The following ZFYVE9 variants were observed in gnomAD, a reference collection of about 807,000 sequenced individuals.
ZFYVE9 encodes zinc finger FYVE domain-containing protein 9.
A neutral mutation model predicts 126.7 loss-of-function variants in ZFYVE9; 43 were observed. That is an observed-to-expected ratio of 0.34 (90% confidence interval 0.27 to 0.44). ZFYVE9 has a LOEUF of 0.44. ZFYVE9 is among the 20% of genes least tolerant of loss of function. The pLI, the probability that ZFYVE9 is intolerant of heterozygous loss-of-function variation, is 1.00. For missense variants in ZFYVE9, 1,476 were observed against 1,697.0 expected, an observed-to-expected ratio of 0.87 and a Z score of 2.29; for synonymous variants, 521 against 597.4, an observed-to-expected ratio of 0.87 and a Z score of 1.87.
intron 15 of ZFYVE9, among the ~76,000 whole-genome samples, chr1:52,335,560 G>A (rs753538224): frequency 2.7e-4 from 41 of 152,180 alleles, no homozygotes; most frequent in Non-Finnish European, 5.4e-4. Flanking sequence ...TTTTTACATG[G>A]TGGTTCAGGA....
chr1:52,190,497 A>G (rs1476624067), intron 1 of ZFYVE9, among the ~76,000 whole-genome samples: 1 of 152,188 alleles, frequency 6.6e-6, no homozygotes, highest in Non-Finnish European at 1.5e-5. Context: ...TTGATGACTA[A>G]ATAAAACAAT....
intron 13 of ZFYVE9, among the ~76,000 whole-genome samples, chr1:52,309,606 C>G (rs1332091170): frequency 6.6e-6 from 1 of 152,078 alleles, no homozygotes. Context: ...AAGTGCCTAG[C>G]AAAGAGGGGG....
chr1:52,216,832 A>G (rs1281285365), intron 2 of ZFYVE9, among the ~76,000 whole-genome samples: 1 of 152,254 alleles, frequency 6.6e-6, no homozygotes, highest in Non-Finnish European at 1.5e-5. Context: ...ATGGGGAATC[A>G]GAAATGTAAA....
At chr1:52,254,014 A>G (rs950546238) in intron 4 of ZFYVE9, 9 of 769,240 alleles carry the variant, frequency 1.2e-5, no homozygotes, top group East Asian at 7.3e-5. Context: ...TAGGAAGCCA[A>G]CTTGGACGTT....
chr1:52,298,770 C>T (rs1646002231), intron 12 of ZFYVE9, among the ~76,000 whole-genome samples: 1 of 149,660 alleles, frequency 6.7e-6, no homozygotes, highest in Non-Finnish European at 1.5e-5. Context: ...TTAATTCTTC[C>T]AATCCATGAA....
chr1:52,265,457 A>G (rs1645624795), intron 5 of ZFYVE9, among the ~76,000 whole-genome samples: 1 of 152,168 alleles, frequency 6.6e-6, no homozygotes, highest in Non-Finnish European at 1.5e-5. Context: ...ATTTCTGGGC[A>G]TGTGGTATTA....
intron 11 of ZFYVE9, among the ~76,000 whole-genome samples, chr1:52,294,887 A>G (rs982186693): frequency 1.3e-5 from 2 of 152,260 alleles, no homozygotes; most frequent in Non-Finnish European, 2.9e-5. Context: ...CCTAAGGAGG[A>G]TCCTGGTTAG....
In ZFYVE9 at chr1:52,142,615, C is replaced by G. The variant is rs1644269291; in HGVS notation, c.-143+212C>G. ...TTAGGCCCCGCGCCGTTGGGAAGCC[C>G]TCGCTCCGGCCTCGGTTCCGGCGCG... On this transcript the variant is annotated intron_variant, in intron 1 of 18. Coordinates refer to ENST00000287727, the MANE Select transcript of ZFYVE9 (RefSeq NM_004799.4). This position sits in a 1 kb window ranked among gnomAD's most constrained non-coding sequence, Gnocchi z 4.5. 6.6e-6 allele frequency among the ~76,000 whole-genome samples: 1 copy of G among 152,154 alleles called. No individual in the cohort carries two copies. The highest frequency in any genetic ancestry group is 6.5e-5 in the Admixed American group (1 of 15,294).
At chr1:52,320,611 A>C (rs1198708367) in intron 13 of ZFYVE9, among the ~76,000 whole-genome samples, 1 of 152,248 alleles carries the variant, frequency 6.6e-6, no homozygotes, top group African/African-American at 2.4e-5. Context: ...CCTTTACCTC[A>C]TACCATGTAC....
intron 2 of ZFYVE9, among the ~76,000 whole-genome samples, chr1:52,223,603 A>G (rs150549221): frequency 9.9e-5 from 15 of 152,246 alleles, no homozygotes; most frequent in African/African-American, 3.1e-4. Flanking sequence ...TGGGTCCTCT[A>G]TGTCTAAACC....
intron 18 of ZFYVE9, among the ~76,000 whole-genome samples, chr1:52,345,319 G>A (rs1178617311): frequency 1.3e-5 from 2 of 152,136 alleles, no homozygotes; most frequent in African/African-American, 4.8e-5. Context: ...TGTAGGCTCA[G>A]CTTGATCCCC....
chr1:52,302,611 C>T (rs183068007), intron 12 of ZFYVE9, among the ~76,000 whole-genome samples: 3 of 152,106 alleles, frequency 2.0e-5, no homozygotes, highest in African/African-American at 7.2e-5. Flanking sequence ...ATTATCTGGG[C>T]CTGGTGGTGC....
At chr1:52,162,899 C>A (rs558716779) in intron 1 of ZFYVE9, 147 of 509,928 alleles carry the variant, frequency 2.9e-4, no homozygotes, top group African/African-American at 2.5e-3. Flanking sequence ...TGTTTGAAAA[C>A]CCTTGAAGGA....
chr1:52,293,701 C>G (rs752632641), intron 11 of ZFYVE9, 24 bp downstream of exon 11: 2 of 1,597,678 alleles, frequency 1.3e-6, no homozygotes, highest in African/African-American at 2.7e-5. Flanking sequence ...ACACGTTTTT[C>G]AAGGCATGAT....
intron 1 of ZFYVE9, among the ~76,000 whole-genome samples, chr1:52,171,307 T>C (rs1644566624): frequency 6.6e-6 from 1 of 152,216 alleles, no homozygotes; most frequent in Non-Finnish European, 1.5e-5. Flanking sequence ...ATTTCATCCA[T>C]GTCCCTACAA....
intron 13 of ZFYVE9, among the ~76,000 whole-genome samples, chr1:52,332,234 T>G (rs765726099): frequency 2.6e-5 from 4 of 152,176 alleles, no homozygotes; most frequent in Admixed American, 6.5e-5. Context: ...ATTATCATGT[T>G]AAATCTTTTG....
intron 11 of ZFYVE9, among the ~76,000 whole-genome samples, chr1:52,294,421 C>A (rs1348733808): frequency 6.6e-6 from 1 of 152,118 alleles, no homozygotes; most frequent in Non-Finnish European, 1.5e-5. Context: ...AACCATAAAA[C>A]AGTTTATGTT....
Position 52,213,520 on chromosome 1 carries a change from C to T in ZFYVE9, c.-142-2849C>T, listed in dbSNP as rs556936725. 1.7e-4 allele frequency among the ~76,000 whole-genome samples: 26 copies of T among 152,048 alleles called. 1 individual carries two copies. In the South Asian group the frequency reaches 3.3e-3, roughly 19 times the overall value. ...CAAAAAAATTAGCCGGGCCTGGTGG[C>T]GTGCATCTGTAGTCCCAGCTACTCA... On this transcript the variant is annotated intron_variant, in intron 1 of 18. Coordinates refer to ENST00000287727, the MANE Select transcript of ZFYVE9 (RefSeq NM_004799.4).
intron 3 of ZFYVE9, among the ~76,000 whole-genome samples, chr1:52,235,477 T>C (rs1363947043): frequency 2.0e-5 from 3 of 152,148 alleles, no homozygotes; most frequent in African/African-American, 4.8e-5. Flanking sequence ...AAATATGACT[T>C]ATTTGCTTTT....
Sources: gnomAD v4.1 joint callset for allele counts (sites outside exome capture counted in the v4.1 genomes callset) on GRCh38, gnomAD v4.1.1 for gene constraint, Gnocchi (gnomAD v3.1) non-coding constraint, MANE v1.5 for transcripts, NCBI Gene and HGNC (gene_info 2026-07-23, HGNC 2026-07-21) for gene names.